The following KIF5C variants were observed in gnomAD, a reference collection of about 807,000 sequenced individuals.
KIF5C encodes the protein kinesin family member 5C.
KIF5C carries 18 observed loss-of-function variants against 125.2 expected under a neutral mutation model. That is an observed-to-expected ratio of 0.14 (90% CI 0.10 to 0.21). The LOEUF is 0.21. Among genes scored for constraint, KIF5C ranks in the 10% least tolerant of loss-of-function variants. The pLI is 1.00. For missense variants in KIF5C, 780 were observed against 1,183.8 expected (o/e 0.66, Z 5.01); for synonymous variants, 405 against 434.0 (o/e 0.93, Z 0.83).
chr2:148,895,369 C>T (rs1340025355), intron 1 of KIF5C, among the ~76,000 whole-genome samples: 1 of 152,110 alleles, frequency 6.6e-6, no homozygotes, highest in Non-Finnish European at 1.5e-5. Context: ...AACTCCTAAC[C>T]TCAAGTGATC....
chr2:148,925,154 T>C (rs1409391218), intron 2 of KIF5C, among the ~76,000 whole-genome samples: 2 of 152,128 alleles, frequency 1.3e-5, no homozygotes, highest in Non-Finnish European at 2.9e-5. Flanking sequence ...GACTATAGAA[T>C]ATAGGAGGGT....
chr2:148,946,724 A>G (rs1682527876), intron 7 of KIF5C, among the ~76,000 whole-genome samples, 175 bp from the exon 8 acceptor site: 1 of 152,220 alleles, frequency 6.6e-6, no homozygotes, highest in Non-Finnish European at 1.5e-5. Flanking sequence ...TTGTATTTCT[A>G]GAATGAGCAT....
chr2:148,938,255 T>C (rs961010886), intron 4 of KIF5C, among the ~76,000 whole-genome samples: 4 of 152,240 alleles, frequency 2.6e-5, no homozygotes, highest in African/African-American at 4.8e-5. Context: ...ATCTAAGCCC[T>C]GTTTTTCTTT....
At chr2:149,008,212 G>T (rs1682071183) in intron 23 of KIF5C, 145 bp downstream of exon 23, 1 of 1,132,420 alleles carries the variant, frequency 8.8e-7, no homozygotes, top group African/African-American at 1.5e-5. Flanking sequence ...GGGCTGGAAA[G>T]GTCCTTACAA....
intron 1 of KIF5C, chr2:148,883,491 ACT>A (rs1681427102): frequency 1.3e-5 from 2 of 151,446 alleles, no homozygotes; most frequent in South Asian, 4.2e-4. Context: ...AAAGAACGAG[ACT>A]CTGTCTCAAA....
intron 1 of KIF5C, among the ~76,000 whole-genome samples, chr2:148,902,923 C>T (rs1172783194): frequency 6.6e-6 from 1 of 152,148 alleles, no homozygotes; most frequent in Admixed American, 6.5e-5. Context: ...AGTCCTGTGC[C>T]TCATTCTCTG....
intron 8 of KIF5C, among the ~76,000 whole-genome samples, chr2:148,948,745 C>T (rs1420789335): frequency 3.9e-5 from 6 of 152,076 alleles, no homozygotes; most frequent in African/African-American, 1.2e-4. Flanking sequence ...TCCTGTCTGT[C>T]GAAGGAGGGT....
In KIF5C at chr2:148,875,403, G is replaced by C; in HGVS notation, c.-215G>C. 1 of 519,494 alleles carries C rather than the reference G, an allele frequency of 1.9e-6. No homozygotes were observed. The highest frequency in any genetic ancestry group is 3.4e-6 in the Non-Finnish European group (1 of 295,820). 32.2% of individuals were successfully genotyped at this position (519,494 alleles called of 1,614,324 possible). ...GGCCAGGGCAGGCCGGTCTGCAGCC[G>C]GAGGGGCCGGAGCGGAGAAGCTGCC... On this transcript the variant is annotated 5_prime_UTR_variant, in exon 1 of 26. Transcript: ENST00000435030.
intron 1 of KIF5C, chr2:148,888,545 GGCCACACA>G (rs1231428362): frequency 6.6e-6 from 1 of 151,992 alleles, no homozygotes. Flanking sequence ...TGCAGGTGAA[GGCCACACA>G]GCTCTTTGGA....
chr2:148,981,416 T>C lies in KIF5C; in HGVS notation c.1424T>C (p.Ile475Thr). Residue 475 changes from isoleucine to threonine, a missense_variant, in exon 14 of 26, where the codon ATT (isoleucine) becomes ACT (threonine). Physicochemically the swap from Ile to Thr is moderately conservative, Grantham distance 89. Transcript: ENST00000435030. ...CAGGAGGAGCTGACACGTCTCCAGA[T>C]TGAAAATGAGGCAGCCAAGGATGAG... is the stretch of plus-strand genomic sequence containing the variant. ...KIQEELTRLQ[I>T]ENEAAKDEVK... The C allele has an allele frequency of 1.9e-6, 3 of 1,611,006 alleles. No individual in the cohort carries two copies. Among genetic ancestry groups the C allele is most frequent in the South Asian group, 2.2e-5 (2 of 90,056 alleles).
intron 15 of KIF5C, among the ~76,000 whole-genome samples, chr2:148,987,691 G>T (rs1055541851): frequency 4.6e-5 from 7 of 152,072 alleles, no homozygotes; most frequent in Non-Finnish European, 7.4e-5. Flanking sequence ...GGGGGGTTAG[G>T]ATTTTATTTG....
At chr2:148,948,092 A>T in intron 8 of KIF5C, 1 of 440,332 alleles carries the variant, frequency 2.3e-6, no homozygotes, top group Admixed American at 2.4e-5. Context: ...TCACGCCTGT[A>T]ATCCCAGCAC....
intron 25 of KIF5C, among the ~76,000 whole-genome samples, chr2:149,020,997 C>T (rs1682518221): frequency 6.6e-6 from 1 of 152,208 alleles, no homozygotes; most frequent in African/African-American, 2.4e-5. Flanking sequence ...AGCTTTGCCA[C>T]TGTGGGTGAT....
chr2:148,950,512 A>G (rs1020247170), intron 10 of KIF5C, 50 bp downstream of exon 10: 1 of 1,572,032 alleles, frequency 6.4e-7, no homozygotes, highest in South Asian at 1.2e-5. Flanking sequence ...CTTGGGTCTT[A>G]AGAGTGAATG....
intron 1 of KIF5C, among the ~76,000 whole-genome samples, chr2:148,911,432 T>C (rs144676237): frequency 1.3e-5 from 2 of 152,222 alleles, no homozygotes; most frequent in African/African-American, 2.4e-5. Context: ...ATTGAGGATA[T>C]TGCAGACCAT....
intron 1 of KIF5C, among the ~76,000 whole-genome samples, chr2:148,919,271 A>G (rs1427972756): frequency 6.6e-6 from 1 of 152,204 alleles, no homozygotes; most frequent in Non-Finnish European, 1.5e-5. Flanking sequence ...TTTGAAAGAA[A>G]CGCCAGCAAA....
chr2:149,012,038 G>A (rs1682223876), intron 25 of KIF5C, among the ~76,000 whole-genome samples: 1 of 152,200 alleles, frequency 6.6e-6, no homozygotes, highest in East Asian at 1.9e-4. Context: ...TTTACCCACA[G>A]CAGACAGAAG....
chr2:149,007,656 T>A (rs1682046945), intron 22 of KIF5C, among the ~76,000 whole-genome samples: 1 of 152,130 alleles, frequency 6.6e-6, no homozygotes, highest in African/African-American at 2.4e-5. Flanking sequence ...TGAAAAGAAG[T>A]CTCTATTTAC....
Position 148,991,766 on chromosome 2 carries a change from A to G in KIF5C, c.1905+568A>G, listed in dbSNP as rs148377444. Among the ~76,000 whole-genome samples the G allele has an allele frequency of 2.0e-3, 307 of 152,342 alleles. 1 individual carries two copies. Among genetic ancestry groups the G allele is most frequent in the African/African-American group, 6.8e-3 (284 of 41,576 alleles). Reference sequence around the variant, plus strand: ...CAAACACCTACAGCCCGTGAATGACAGAGCTAGGACTCAAAAAAATGTGTG... The same window carrying G: ...CAAACACCTACAGCCCGTGAATGACGGAGCTAGGACTCAAAAAAATGTGTG... On this transcript the variant is annotated intron_variant, in intron 16 of 25. Transcript: ENST00000435030.
Sources: gnomAD v4.1 joint callset for allele counts (sites outside exome capture counted in the v4.1 genomes callset) on GRCh38, gnomAD v4.1.1 for gene constraint, MANE v1.5 for transcripts, NCBI Gene and HGNC (gene_info 2026-07-23, HGNC 2026-07-21) for gene names.